The following GPR89B variants were observed in gnomAD, a reference collection of about 807,000 sequenced individuals.
GPR89B encodes golgi pH regulator B.
A neutral mutation model predicts 52.4 loss-of-function variants in GPR89B; 25 were observed. The observed-to-expected ratio is 0.48, with a 90% CI of 0.35 to 0.67. The LOEUF is 0.67. GPR89B is among the 30% of genes least tolerant of loss of function. The pLI is 0.01. For synonymous variants in GPR89B, 52 were observed against 151.2 expected (o/e 0.34, Z 4.81); for missense variants, 146 against 450.2 (o/e 0.32, Z 6.11).
chr1:147,951,493 G>A (rs1429355942), intron 5 of GPR89B, among the ~76,000 whole-genome samples: 3 of 152,074 alleles, frequency 2.0e-5, no homozygotes, highest in Non-Finnish European at 4.4e-5. Flanking sequence ...CTATTAAGGA[G>A]GAAATAGATG....
chr1:147,970,537 C>CTCTCTCTCTA (rs1657374481), intron 10 of GPR89B, among the ~76,000 whole-genome samples: 2 of 130,324 alleles, frequency 1.5e-5, no homozygotes, highest in African/African-American at 6.2e-5. Flanking sequence ...CTCTCTCTAT[C>CTCTCTCTCTA]TCTATCTCTC....
rs201402961 is a variant in GPR89B, at chr1:147,944,065, G to T, written c.382G>T (p.Gly128Ter). 397 of 1,576,348 alleles carry T rather than the reference G, an allele frequency of 2.5e-4. 4 individuals are homozygous for T. Among genetic ancestry groups the T allele is most frequent in the South Asian group, 1.4e-3 (117 of 84,592 alleles). ...LTFMYFFWKL[G>*]DPFPILSPKH... ...CTTTATGTATTTCTTCTGGAAACTA[G>T]GAGATCCCTTTCCCATTCTCAGCCC... The change falls in exon 5 of 14, where the codon GGA (glycine) becomes TGA (stop). Residue 128 changes from glycine to a stop codon, truncating the protein, a stop_gained. Transcript: ENST00000314163. LOFTEE classifies it high-confidence loss of function.
chr1:148,004,282 G>A, the GPR89B span, among the ~76,000 whole-genome samples: 247 of 150,762 alleles, frequency 1.6e-3, 5 homozygotes, highest in East Asian at 0.03. Context: ...TCAGCCTCCC[G>A]AGTACCTGGG....
the GPR89B span, among the ~76,000 whole-genome samples, chr1:148,000,795 A>G: frequency 1.8e-4 from 23 of 128,374 alleles, no homozygotes; most frequent in Non-Finnish European, 3.0e-4. Context: ...AAAAAAAAAA[A>G]CAACAACAAA....
chr1:147,969,014 A>C (rs2149076477), intron 9 of GPR89B, 51 bp downstream of exon 9: 2 of 1,448,102 alleles, frequency 1.4e-6, no homozygotes, highest in Middle Eastern at 2.0e-4. Flanking sequence ...TATTAAAGAG[A>C]GAACAAGACT....
At chr1:147,988,878 G>A in intron 12 of GPR89B, among the ~76,000 whole-genome samples, 1 of 144,488 alleles carries the variant, frequency 6.9e-6, no homozygotes, top group African/African-American at 2.6e-5. Context: ...AAAAAAATAG[G>A]TGGTACCATG....
At chr1:147,942,602 AT>A (rs1654651200) in intron 3 of GPR89B, among the ~76,000 whole-genome samples, 1 of 150,902 alleles carries the variant, frequency 6.6e-6, no homozygotes, top group Admixed American at 6.6e-5. Context: ...TATCCATATA[AT>A]GGGATGAATA....
At chr1:147,994,028 A>G, downstream of GPR89B, 1 of 992,520 alleles carries the variant, frequency 1.0e-6, no homozygotes. Context: ...ATACAGAGAA[A>G]TGTAGTTAAG....
the GPR89B span, chr1:148,014,356 G>A: frequency 2.0e-5 from 3 of 151,732 alleles, no homozygotes; most frequent in Non-Finnish European, 4.4e-5. Flanking sequence ...AGATTCGTAG[G>A]AGGGCGGGAA....
chr1:147,983,981 G>A (rs1209536599), intron 10 of GPR89B, among the ~76,000 whole-genome samples: 2 of 151,580 alleles, frequency 1.3e-5, no homozygotes, highest in Admixed American at 6.6e-5. Context: ...TATACACCAT[G>A]GAATACTATG....
At chr1:147,978,082 G>C (rs1444335301) in intron 10 of GPR89B, among the ~76,000 whole-genome samples, 3 of 150,666 alleles carry the variant, frequency 2.0e-5, no homozygotes, top group African/African-American at 4.9e-5. Flanking sequence ...CTGGCTTTTT[G>C]AGTTGTCACC....
At chr1:147,937,193 C>T (rs1417026251) in intron 2 of GPR89B, among the ~76,000 whole-genome samples, 1 of 151,258 alleles carries the variant, frequency 6.6e-6, no homozygotes, top group African/African-American at 2.4e-5. Context: ...GGAGTGCCAT[C>T]ACATATTGGT....
the GPR89B span, chr1:148,025,765 T>A: frequency 3.5e-5 from 5 of 142,010 alleles, no homozygotes; most frequent in East Asian, 1.0e-3. Context: ...ATCTCTCTCT[T>A]TCTCCACACA....
At chr1:148,019,548 C>G in the GPR89B span, among the ~76,000 whole-genome samples, 1 of 151,712 alleles carries the variant, frequency 6.6e-6, no homozygotes, top group African/African-American at 2.4e-5. Flanking sequence ...GTGAGACAAA[C>G]CTGCACATCC....
chr1:147,952,176 G>T (rs1204655063), intron 5 of GPR89B, among the ~76,000 whole-genome samples: 4 of 152,130 alleles, frequency 2.6e-5, no homozygotes, highest in African/African-American at 9.7e-5. Flanking sequence ...AGTCAATAGT[G>T]TGAGAGCTCT....
chr1:147,976,114 A>C (rs1338782308), intron 10 of GPR89B, among the ~76,000 whole-genome samples: 1 of 152,250 alleles, frequency 6.6e-6, no homozygotes, highest in Non-Finnish European at 1.5e-5. Flanking sequence ...GGCACCAAGA[A>C]GAATGTATAT....
At chr1:147,961,528 C>G (rs1380919251) in intron 7 of GPR89B, among the ~76,000 whole-genome samples, 1 of 152,176 alleles carries the variant, frequency 6.6e-6, no homozygotes, top group Non-Finnish European at 1.5e-5. Flanking sequence ...CAGTTGTAGC[C>G]AGGAGCAGTG....
At chr1:147,993,768 TA>T (rs1425286665), downstream of GPR89B, 4 of 150,270 alleles carry the variant, frequency 2.7e-5, no homozygotes, top group African/African-American at 9.9e-5. Flanking sequence ...TTCTGTACTT[TA>T]TTGTGTTTTG....
intron 1 of GPR89B, among the ~76,000 whole-genome samples, chr1:147,930,805 T>G (rs1653524514): frequency 6.6e-6 from 1 of 152,140 alleles, no homozygotes; most frequent in Non-Finnish European, 1.5e-5. Flanking sequence ...CTCCAATTTA[T>G]TCTTTAGACT....
Sources: allele counts gnomAD v4.1 joint callset (sites outside exome capture counted in the v4.1 genomes callset), GRCh38; gene constraint gnomAD v4.1.1; transcripts MANE v1.5; gene names NCBI Gene and HGNC (gene_info 2026-07-23, HGNC 2026-07-21).